The following ZNF664 variants were observed in gnomAD, a reference collection of about 807,000 sequenced individuals.
ZNF664 encodes the protein zinc finger protein 664, also known as zinc finger Organ of Corti 1.
A neutral mutation model predicts 18.2 loss-of-function variants in ZNF664; 10 were observed. The ratio of observed to expected loss-of-function variants is 0.55; its 90% CI spans 0.34 to 0.93. ZNF664 has a LOEUF of 0.93. Among genes scored for constraint, ZNF664 ranks in the 40% least tolerant of loss-of-function variants. The pLI is 0.02. For synonymous variants in ZNF664, 119 were observed against 104.2 expected (o/e 1.14, Z -0.86); for missense variants, 193 against 319.0 (o/e 0.61, Z 3.01).
rs571506954 is a variant in ZNF664, at chr12:124,001,149, G to T, written c.-660-10232G>T. 2.0e-5 allele frequency among the ~76,000 whole-genome samples: 3 copies of T among 152,234 alleles called. No individual in the cohort carries two copies. The East Asian group carries it at 5.8e-4, about 29-fold the overall frequency. On this transcript the variant is annotated intron_variant, in intron 3 of 4. Coordinates refer to ENST00000337815, the MANE Select transcript of ZNF664 (RefSeq NM_152437.3). The stretch of plus-strand genomic sequence containing the variant: ...GGCATTTCCTTGTCCCTCACCCATT[G>T]TATTGAATCTGTCACCAAGTCTGAT...
chr12:123,975,573 C>T (rs1161302239), intron 2 of ZNF664, among the ~76,000 whole-genome samples: 1 of 152,094 alleles, frequency 6.6e-6, no homozygotes, highest in East Asian at 1.9e-4. Flanking sequence ...TGACTACAAC[C>T]ATGTGCCACC....
chr12:124,001,391 T>G (rs1206296862), intron 3 of ZNF664, among the ~76,000 whole-genome samples: 2 of 152,212 alleles, frequency 1.3e-5, no homozygotes, highest in East Asian at 3.9e-4. Context: ...TCTGGAGGCT[T>G]CCACTGCTAC....
chr12:123,994,630 G>A (rs1410562365), intron 3 of ZNF664, among the ~76,000 whole-genome samples: 2 of 152,214 alleles, frequency 1.3e-5, no homozygotes, highest in Non-Finnish European at 1.5e-5. Context: ...AGTTGGAAAA[G>A]GGATTTTAGT....
chr12:124,004,595 G>A (rs11057412), intron 3 of ZNF664, among the ~76,000 whole-genome samples: 2,049 of 152,136 alleles, frequency 0.013, 43 homozygotes, highest in African/African-American at 0.048. Flanking sequence ...TCCCCAACCT[G>A]TGGGCCACAG....
rs192904565 is a variant in ZNF664 at position 123,977,238 on chromosome 12, C to T, written c.-757+3218C>T. On this transcript the variant is annotated intron_variant, in intron 2 of 4. Coordinates refer to ENST00000337815, the MANE Select transcript of ZNF664 (RefSeq NM_152437.3). ...CAGAGAGTCAAATTAAAAATTGGGA[C>T]ATTATTTAACAAGGTTTGTATGTTT... Among the ~76,000 whole-genome samples the T allele has an allele frequency of 1.8e-3, 279 of 152,138 alleles. 3 individuals are homozygous for T. Among genetic ancestry groups the T allele is most frequent in the African/African-American group, 6.3e-3 (260 of 41,486 alleles).
rs548732371 is a variant in ZNF664, at chr12:123,984,350, G to C, written c.-756-3693G>C. 2.0e-5 allele frequency among the ~76,000 whole-genome samples: 3 copies of C among 152,270 alleles called. No homozygotes were observed. In the East Asian group the frequency reaches 5.8e-4, roughly 29 times the overall value. On this transcript the variant is annotated intron_variant, in intron 2 of 4. Transcript: ENST00000337815. ...AGTGCCCTTGGATTGGCCAAGAGAA[G>C]GCCGACAATGAGAGAGGAACCTCGG...
chr12:124,013,657 CAT>C lies in ZNF664; in HGVS notation c.*730_*731del, dbSNP rs1262061568. 6.0e-6 allele frequency: 1 copy of C among 167,092 alleles called. No individual in the cohort carries two copies. The highest frequency in any genetic ancestry group is 6.5e-5 in the Admixed American group (1 of 15,296). 10.4% of individuals were successfully genotyped at this position (167,092 alleles called of 1,614,324 possible). A position where few individuals can be genotyped will look rare whatever the true frequency, so the allele number is the denominator to read the frequency against. ...GACTTATTTTGTAGTGGCTGCATCA[CAT>C]ATTTTTCACTTGAATTTTTTTGGAA... On this transcript the variant is annotated 3_prime_UTR_variant, in exon 5 of 5. Coordinates refer to ENST00000337815, the MANE Select transcript of ZNF664 (RefSeq NM_152437.3).
chr12:124,011,991 A>G lies in ZNF664; in HGVS notation c.-154A>G, dbSNP rs1957139913. 1.4e-6 allele frequency: 2 copies of G among 1,431,412 alleles called. No individual in the cohort carries two copies. Among genetic ancestry groups the G allele is most frequent in the African/African-American group, 1.4e-5 (1 of 69,730 alleles). 88.7% of individuals were successfully genotyped at this position (1,431,412 alleles called of 1,614,324 possible). On this transcript the variant is annotated 5_prime_UTR_variant, in exon 5 of 5. Transcript: ENST00000337815. ...ACCTTCCGTAGAAAGACAGGCAGGG[A>G]AAAGCTTAGGCTGACCTTAAACTTA... is the stretch of plus-strand genomic sequence containing the variant.
intron 3 of ZNF664, among the ~76,000 whole-genome samples, chr12:123,991,153 TAGATA>T (rs2138375881): frequency 6.6e-6 from 1 of 152,338 alleles, no homozygotes; most frequent in East Asian, 1.9e-4. Flanking sequence ...ATTTACTAGT[TAGATA>T]AGATAAACTT....
At chr12:123,986,292 G>A (rs560456870) in intron 2 of ZNF664, among the ~76,000 whole-genome samples, 1 of 152,310 alleles carries the variant, frequency 6.6e-6, no homozygotes, top group South Asian at 2.1e-4. Flanking sequence ...ATTGGAGGAT[G>A]CATGTGGATC....
intron 3 of ZNF664, among the ~76,000 whole-genome samples, chr12:124,003,694 C>G (rs758080205): frequency 1.3e-5 from 2 of 152,168 alleles, no homozygotes; most frequent in Admixed American, 1.3e-4. Flanking sequence ...ATGCGCCCAG[C>G]CTGCTTCTAT....
At chr12:123,982,434 G>A (rs2138340649) in intron 2 of ZNF664, among the ~76,000 whole-genome samples, 1 of 152,226 alleles carries the variant, frequency 6.6e-6, no homozygotes, top group African/African-American at 2.4e-5. Flanking sequence ...ATGCTTCTAT[G>A]TGTGCCTGCC....
At position 124,013,207 on chromosome 12, in the gene ZNF664, A is replaced by G. The variant is rs1230869656; in HGVS notation, c.*277A>G. Reference sequence around the variant, plus strand: ...TCCAGCACGATGCCTCCATAGTTGAAAGACTACACAAAAAGCCACAATCAT... The same window carrying G: ...TCCAGCACGATGCCTCCATAGTTGAGAGACTACACAAAAAGCCACAATCAT... On this transcript the variant is annotated 3_prime_UTR_variant, in exon 5 of 5. Transcript: ENST00000337815. The G allele has an allele frequency of 4.4e-6, 2 of 456,814 alleles. No individual in the cohort carries two copies. The highest frequency in any genetic ancestry group is 8.0e-6 in the Non-Finnish European group (2 of 250,472). The allele number at this position is 456,814 out of a possible 1,614,324, so 28.3% of individuals were successfully genotyped here. A position where few individuals can be genotyped will look rare whatever the true frequency, so the allele number is the denominator to read the frequency against.
chr12:123,989,856 A>C (rs1389930684), intron 3 of ZNF664, among the ~76,000 whole-genome samples: 1 of 141,866 alleles, frequency 7.0e-6, no homozygotes, highest in Admixed American at 7.0e-5. Flanking sequence ...AGTGGCAATA[A>C]ATTTCTGTCC....
chr12:123,996,995 G>A (rs1290364422), intron 3 of ZNF664, among the ~76,000 whole-genome samples: 1 of 152,188 alleles, frequency 6.6e-6, no homozygotes, highest in Non-Finnish European at 1.5e-5. Flanking sequence ...TGTAGATACT[G>A]TTTGTGGTTT....
Position 124,012,465 on chromosome 12 carries a change from A to T in ZNF664, c.321A>T (p.Arg107Ser). 6.2e-7 allele frequency: 1 copy of T among 1,614,194 alleles called. No individual in the cohort carries two copies. The highest frequency in any genetic ancestry group is 1.1e-5 in the South Asian group (1 of 91,088). The change falls in exon 5 of 5, where the codon AGA (arginine) becomes AGT (serine). Residue 107 changes from arginine (R) to serine (S), a missense_variant. Around this residue, in one of 3 missense-constraint regions of ZNF664, gnomAD observed 61 missense variants for 153.7 expected, o/e 0.40. Transcript: ENST00000337815. ...NWSSHLQIHM[R>S]VHTGEKPYVC... is the part of the protein sequence containing the mutation. ...GCTCCCATCTTCAAATTCATATGAG[A>T]GTTCATACAGGTGAGAAACCGTATG...
At chr12:123,986,129 G>T (rs1271271001) in intron 2 of ZNF664, among the ~76,000 whole-genome samples, 1 of 151,700 alleles carries the variant, frequency 6.6e-6, no homozygotes, top group Non-Finnish European at 1.5e-5. Context: ...GCTGGAGGGG[G>T]TGGGCTTGCC....
intron 3 of ZNF664, among the ~76,000 whole-genome samples, chr12:124,008,169 G>T (rs556264733): frequency 7.2e-5 from 11 of 152,140 alleles, no homozygotes; most frequent in African/African-American, 2.7e-4. Flanking sequence ...CAAAAAAAAA[G>T]GGGCAGTTGT....
At chr12:123,995,567 A>T (rs918276785) in intron 3 of ZNF664, among the ~76,000 whole-genome samples, 2 of 152,194 alleles carry the variant, frequency 1.3e-5, no homozygotes, top group African/African-American at 4.8e-5. Context: ...AGGAGAATGG[A>T]GGTGGGCGGA....
Sources: gnomAD v4.1 joint callset for allele counts (sites outside exome capture counted in the v4.1 genomes callset) on GRCh38, gnomAD v4.1.1 for gene constraint, gnomAD v4.1.1 regional missense constraint, MANE v1.5 for transcripts, NCBI Gene and HGNC (gene_info 2026-07-23, HGNC 2026-07-21) for gene names.